The following DNAH11 variants were observed in gnomAD, a reference collection of about 807,000 sequenced individuals.
The protein encoded by DNAH11 is dynein axonemal heavy chain 11.
Under a neutral mutation model 526.0 loss-of-function variants are expected in DNAH11, and 442 were observed. The ratio of observed to expected loss-of-function variants is 0.84; its 90% CI spans 0.78 to 0.91. DNAH11 has a LOEUF of 0.91. Ranked by LOEUF, DNAH11 falls within the 40% of genes least tolerant of loss-of-function variation. The pLI is 0.00. For synonymous variants in DNAH11, 2,461 were observed against 1,935.9 expected, an observed-to-expected ratio of 1.27 and a Z score of -7.12; for missense variants, 6,989 against 5,448.7, an observed-to-expected ratio of 1.28 and a Z score of -8.90.
At chr7:21,749,018 C>T (rs556329727) in intron 52 of DNAH11, among the ~76,000 whole-genome samples, 3 of 152,114 alleles carry the variant, frequency 2.0e-5, no homozygotes, top group African/African-American at 7.2e-5. Context: ...ACACAAATGT[C>T]TTTCTGTTTT....
chr7:21,775,979 C>G (rs887710015), intron 56 of DNAH11, among the ~76,000 whole-genome samples: 4 of 152,164 alleles, frequency 2.6e-5, no homozygotes, highest in African/African-American at 9.7e-5. Context: ...AGGTTGTGAG[C>G]TAAAAGCAAG....
At chr7:21,652,295 C>G (rs1781810925) in intron 28 of DNAH11, among the ~76,000 whole-genome samples, 1 of 152,170 alleles carries the variant, frequency 6.6e-6, no homozygotes, top group African/African-American at 2.4e-5. Flanking sequence ...TCCCAAACAA[C>G]AAAAACTGAC....
intron 79 of DNAH11, among the ~76,000 whole-genome samples, chr7:21,895,841 T>G (rs753745761): frequency 1.3e-5 from 2 of 152,174 alleles, no homozygotes; most frequent in Non-Finnish European, 2.9e-5. Flanking sequence ...GCCATTCTCC[T>G]GCCTCAGCCT....
chr7:21,695,212 T>C (rs989967070), intron 35 of DNAH11, among the ~76,000 whole-genome samples: 2 of 152,186 alleles, frequency 1.3e-5, no homozygotes, highest in Non-Finnish European at 2.9e-5. Flanking sequence ...CAAGCTACCA[T>C]TGACTTTCTT....
chr7:21,698,163 C>T lies in DNAH11; in HGVS notation c.6130C>T (p.Arg2044Ter), dbSNP rs767595964. 1.8e-5 allele frequency: 29 copies of T among 1,613,406 alleles called. No individual in the cohort carries two copies. The highest frequency in any genetic ancestry group is 2.0e-5 in the Non-Finnish European group (24 of 1,179,710). Residue 2044 changes from arginine to a stop codon, truncating the protein, a stop_gained, in exon 36 of 82, where the codon CGA becomes TGA. Transcript: ENST00000409508. LOFTEE classifies it high-confidence loss of function. ...TTTTGTGGATGCGCGTGCATTAGCC[C>T]GAAAGTTCATTACGTTGTACACGCT... ...EGFVDARALA[R>*]KFITLYTLCK...
intron 65 of DNAH11, among the ~76,000 whole-genome samples, chr7:21,827,671 G>GTA (rs1790365519): frequency 6.6e-6 from 1 of 151,692 alleles, no homozygotes; most frequent in Non-Finnish European, 1.5e-5. Context: ...TACAGAAATA[G>GTA]AGGGAGATGG....
At chr7:21,769,750 G>C (rs888605182) in intron 55 of DNAH11, among the ~76,000 whole-genome samples, 6 of 152,090 alleles carry the variant, frequency 3.9e-5, no homozygotes, top group Admixed American at 3.3e-4. Flanking sequence ...CTCCCAAAGT[G>C]CTGGATTACA....
At position 21,655,876 on chromosome 7, in the gene DNAH11, G is replaced by T; in HGVS notation, c.4989G>T (p.Leu1663=). 6.2e-7 allele frequency: 1 copy of T among 1,613,328 alleles called. No homozygotes were observed. Among genetic ancestry groups the T allele is most frequent in the Non-Finnish European group, 8.5e-7 (1 of 1,179,564 alleles). Residue 1663 remains leucine, a synonymous_variant, in exon 29 of 82, where the codon CTG becomes CTT. Transcript: ENST00000409508. ...LAKLFDSIAD[L]QFEDNQDVSA... ...AACTTTTCGACAGCATTGCAGATCTGCAGTTTGAAGACAATCAGGATGTTT... is the reference window on the plus strand; with the variant it reads ...AACTTTTCGACAGCATTGCAGATCTTCAGTTTGAAGACAATCAGGATGTTT...
Position 21,816,750 on chromosome 7 carries a change from T to C in DNAH11, c.10568+48T>C, listed in dbSNP as rs748032497. On this transcript the variant is annotated intron_variant, in intron 64 of 81. Transcript: ENST00000409508. ...GGCTTTCTGTTTACCTGCTGTGAAG[T>C]GGGTCTGATTTTTATAAAGGCGTGA... 2.6e-6 allele frequency: 4 copies of C among 1,514,584 alleles called. No homozygotes were observed. The East Asian group carries it at 6.9e-5, about 26-fold the overall frequency. The allele number at this position is 1,514,584 out of a possible 1,614,324, so 93.8% of individuals were successfully genotyped here.
At chr7:21,740,096 A>G (rs1218816095) in intron 48 of DNAH11, among the ~76,000 whole-genome samples, 1 of 152,194 alleles carries the variant, frequency 6.6e-6, no homozygotes, top group African/African-American at 2.4e-5. Flanking sequence ...AGCTGTTAAC[A>G]GTATCATATA....
chr7:21,670,983 T>A (rs934044603), intron 30 of DNAH11, among the ~76,000 whole-genome samples: 2 of 152,162 alleles, frequency 1.3e-5, no homozygotes, highest in Non-Finnish European at 2.9e-5. Context: ...TTTCTTTTTC[T>A]ATGATATCTT....
chr7:21,896,446 C>G (rs1003484449), intron 79 of DNAH11, among the ~76,000 whole-genome samples: 1 of 152,164 alleles, frequency 6.6e-6, no homozygotes, highest in Non-Finnish European at 1.5e-5. Context: ...GAGGGTGGAT[C>G]TGGTCTTAAA....
At chr7:21,566,689 A>G (rs781526151) in intron 6 of DNAH11, among the ~76,000 whole-genome samples, 3 of 151,926 alleles carry the variant, frequency 2.0e-5, no homozygotes, top group African/African-American at 4.8e-5. Flanking sequence ...CCGTTATACC[A>G]TGCTCCATAT....
At chr7:21,669,566 T>A (rs1256637945) in intron 30 of DNAH11, among the ~76,000 whole-genome samples, 1 of 152,164 alleles carries the variant, frequency 6.6e-6, no homozygotes, top group African/African-American at 2.4e-5. Flanking sequence ...GCATATTTTA[T>A]CAGAAAGTTA....
Position 21,744,452 on chromosome 7 carries a change from T to C in DNAH11, c.8169T>C (p.Ala2723=), listed in dbSNP as rs1209937892. 2 of 1,613,556 alleles carry C rather than the reference T, an allele frequency of 1.2e-6. No individual in the cohort carries two copies. The highest frequency in any genetic ancestry group is 2.7e-5 in the African/African-American group (2 of 74,926). ...TTGCCTTGTAGGGGATTTTATTTGC[T>C]TCTCCTGAGTGTTTAAAAGGTCCAC... ...LSNVFQGILF[A]SPECLKGPLD... Residue 2723 remains alanine, a synonymous_variant, in exon 50 of 82, where the codon GCT becomes GCC. Transcript: ENST00000409508.
Position 21,683,906 on chromosome 7 carries a change from A to C in DNAH11, c.5583A>C (p.Gly1861=), listed in dbSNP as rs763424218. 2 of 1,613,716 alleles carry C rather than the reference A, an allele frequency of 1.2e-6. No homozygotes were observed. Among genetic ancestry groups the C allele is most frequent in the Admixed American group, 1.7e-5 (1 of 59,992 alleles). Reference sequence around the variant, plus strand: ...TCCAGTACTTCTATGAATACTTAGGAAACAGCCCTCGACTAGTGATCACTC... The same window carrying C: ...TCCAGTACTTCTATGAATACTTAGGCAACAGCCCTCGACTAGTGATCACTC... ...AQFQYFYEYL[G]NSPRLVITPL... Residue 1861 remains glycine, a synonymous_variant, in exon 32 of 82, where the codon GGA becomes GGC. Transcript: ENST00000409508.
chr7:21,616,280 A>T lies in DNAH11; in HGVS notation c.4083A>T (p.Arg1361Ser). ...TGGAACAGATGGATGTAGAACTCAG[A>T]AGGTTTGCCAAGGCGAGTTCCATAA... ...IHVEQMDVEL[R>S]RFAKEIWSLN... The change falls in exon 22 of 82, where the codon AGA (arginine) becomes AGT (serine). Residue 1361 changes from arginine (R) to serine (S), a missense_variant. Physicochemically the swap from Arg to Ser is moderately radical, Grantham distance 110. Transcript: ENST00000409508. The T allele has an allele frequency of 1.9e-6, 3 of 1,611,996 alleles. No homozygotes were observed. The highest frequency in any genetic ancestry group is 2.5e-6 in the Non-Finnish European group (3 of 1,178,788).
chr7:21,666,658 A>G (rs1447415220), intron 30 of DNAH11, among the ~76,000 whole-genome samples: 4 of 152,046 alleles, frequency 2.6e-5, no homozygotes, highest in African/African-American at 7.2e-5. Flanking sequence ...AAAAATTTGG[A>G]TACAATATTG....
At chr7:21,623,223 A>G (rs1428834127) in intron 25 of DNAH11, among the ~76,000 whole-genome samples, 2 of 152,230 alleles carry the variant, frequency 1.3e-5, no homozygotes, top group East Asian at 3.8e-4. Context: ...AGTGCTCATC[A>G]TCACTGGCCA....
Sources: allele counts gnomAD v4.1 joint callset (sites outside exome capture counted in the v4.1 genomes callset), GRCh38; gene constraint gnomAD v4.1.1; transcripts MANE v1.5; gene names NCBI Gene and HGNC (gene_info 2026-07-23, HGNC 2026-07-21).